LTBP1: variants seen among roughly 807,000 people sequenced by gnomAD.
The protein encoded by LTBP1 is latent transforming growth factor beta binding protein 1, also known as latent-transforming growth factor beta-binding protein 1.
Under a neutral mutation model 207.6 loss-of-function variants are expected in LTBP1, and 129 were observed. That is an observed-to-expected ratio of 0.62 (90% CI 0.54 to 0.72). The LOEUF (loss-of-function observed/expected upper bound fraction) is 0.72. LTBP1 is among the 30% of genes least tolerant of loss of function. The pLI is 0.00. For synonymous variants in LTBP1, 963 were observed against 833.7 expected (o/e 1.16, Z -2.67); for missense variants, 2,281 against 2,217.2 (o/e 1.03, Z -0.58).
intron 3 of LTBP1, among the ~76,000 whole-genome samples, chr2:33,079,865 G>A (rs1639742629): frequency 6.6e-6 from 1 of 151,956 alleles, no homozygotes; most frequent in African/African-American, 2.4e-5. Flanking sequence ...ATGTACATAC[G>A]TTCTTCTTAA....
At chr2:33,295,283 T>TG (rs1209993487) in intron 20 of LTBP1, among the ~76,000 whole-genome samples, 1 of 152,148 alleles carries the variant, frequency 6.6e-6, no homozygotes, top group Non-Finnish European at 1.5e-5. Flanking sequence ...CACAGCACTT[T>TG]GGGAGGCCCA....
chr2:33,388,773 C>G (rs1041024770), intron 31 of LTBP1, among the ~76,000 whole-genome samples: 3 of 151,952 alleles, frequency 2.0e-5, no homozygotes, highest in African/African-American at 7.3e-5. Context: ...CTCTAGAGAG[C>G]GAAAAAGCAC....
chr2:33,059,478 C>G (rs995719653), intron 3 of LTBP1, among the ~76,000 whole-genome samples: 8 of 152,110 alleles, frequency 5.3e-5, no homozygotes, highest in Admixed American at 2.0e-4. Flanking sequence ...TTAGGCTTGC[C>G]ATGTCCGTGG....
rs142344345 is a variant in LTBP1, at chr2:32,969,919, G to T, written c.565+20974G>T. ...TATAAACATTCCCTTTTTTTCTGCA[G>T]CTTCACTGGCATCTGTTATTTTTTG... is the stretch of plus-strand genomic sequence containing the variant. On this transcript the variant is annotated intron_variant, in intron 2 of 33. Coordinates refer to ENST00000404816, the MANE Select transcript of LTBP1 (RefSeq NM_206943.4). 3.2e-3 allele frequency among the ~76,000 whole-genome samples: 480 copies of T among 152,096 alleles called. 5 individuals are homozygous for T. Among genetic ancestry groups the T allele is most frequent in the African/African-American group, 0.011 (465 of 41,518 alleles).
At chr2:33,111,356 T>C (rs1277352270) in intron 4 of LTBP1, among the ~76,000 whole-genome samples, 2 of 152,076 alleles carry the variant, frequency 1.3e-5, no homozygotes, top group African/African-American at 4.8e-5. Flanking sequence ...TATTACAGAG[T>C]GTCTGCCGGC....
At chr2:33,342,364 A>C (rs528010265) in intron 24 of LTBP1, among the ~76,000 whole-genome samples, 1 of 152,180 alleles carries the variant, frequency 6.6e-6, no homozygotes, top group African/African-American at 2.4e-5. Context: ...CTTCCTGAGG[A>C]TGTTGTGTAG....
intron 5 of LTBP1, among the ~76,000 whole-genome samples, chr2:33,175,503 AAC>A (rs2085939770): frequency 6.6e-6 from 1 of 152,218 alleles, no homozygotes; most frequent in Admixed American, 6.5e-5. Flanking sequence ...GTCAGGAAAC[AAC>A]AGATGCTGGA....
chr2:33,202,115 A>G (rs2089372195), intron 7 of LTBP1, among the ~76,000 whole-genome samples: 1 of 151,986 alleles, frequency 6.6e-6, no homozygotes, highest in South Asian at 2.1e-4. Flanking sequence ...AAAAAACTTA[A>G]AAGAATAAGC....
intron 12 of LTBP1, 62 bp from the exon 13 acceptor site, chr2:33,259,526 G>T: frequency 8.5e-7 from 1 of 1,174,504 alleles, no homozygotes. Flanking sequence ...TTTAAGAATT[G>T]AAATATAATA....
chr2:33,029,958 T>G (rs973738542), intron 3 of LTBP1, among the ~76,000 whole-genome samples: 1 of 152,198 alleles, frequency 6.6e-6, no homozygotes, highest in Non-Finnish European at 1.5e-5. Context: ...GTTACCAATA[T>G]AGAGAGCTGT....
At chr2:33,168,998 T>TA (rs2085182718) in intron 5 of LTBP1, among the ~76,000 whole-genome samples, 1 of 152,150 alleles carries the variant, frequency 6.6e-6, no homozygotes, top group Non-Finnish European at 1.5e-5. Context: ...GCAGCAGAGT[T>TA]AGGGGGGAGC....
Position 33,277,797 on chromosome 2 carries a change from C to CTTTCTTTCTTTCTTTCTT in LTBP1, c.2992+1875_2992+1876insTTCTTTCTTTCTTTCTTT, listed in dbSNP as rs369628420. ...TCTTTCTTTCTTTCTTTCTTTCTTT[C>CTTTCTTTCTTTCTTTCTT]TCTCTCTCTTTCTTTTTTTCTTTCT... On this transcript the variant is annotated intron_variant, in intron 18 of 33. Transcript: ENST00000404816. Among the ~76,000 whole-genome samples the CTTTCTTTCTTTCTTTCTT allele has an allele frequency of 1.6e-3, 129 of 80,314 alleles. 1 individual carries two copies. Among genetic ancestry groups the CTTTCTTTCTTTCTTTCTT allele is most frequent in the Middle Eastern group, 0.011 (2 of 178 alleles). 52.7% of individuals were successfully genotyped at this position (80,314 alleles called of 152,430 possible).
chr2:33,312,981 G>A (rs2094209390), intron 23 of LTBP1, among the ~76,000 whole-genome samples: 1 of 152,174 alleles, frequency 6.6e-6, no homozygotes, highest in South Asian at 2.1e-4. Context: ...TGGGCAGCAG[G>A]TTGGAAATAA....
At position 33,188,818 on chromosome 2, in the gene LTBP1, T is replaced by C. The variant is rs375716010; in HGVS notation, c.1668T>C (p.Leu556=). Residue 556 remains leucine, a synonymous_variant, in exon 7 of 34, where the codon CTT becomes CTC. Transcript: ENST00000404816. ...HVYPVAAKTQ[L]GRCFQETIGS... is the part of the protein sequence containing the mutation. The stretch of plus-strand genomic sequence containing the variant: ...ACCCCGTGGCTGCTAAGACACAGCT[T>C]GGCCGGTGCTTCCAGGAAACCATTG... 1.2e-6 allele frequency: 2 copies of C among 1,614,222 alleles called. No homozygotes were observed. Among genetic ancestry groups the C allele is most frequent in the Non-Finnish European group, 1.7e-6 (2 of 1,180,036 alleles).
At chr2:32,975,190 A>G (rs1257538036) in intron 2 of LTBP1, among the ~76,000 whole-genome samples, 1 of 152,196 alleles carries the variant, frequency 6.6e-6, no homozygotes, top group Non-Finnish European at 1.5e-5. Flanking sequence ...CTTTAAGAAT[A>G]CTATATTTTG....
rs572705979 is a variant in LTBP1, at chr2:32,981,782, G to A, written c.565+32837G>A. 7.2e-4 allele frequency among the ~76,000 whole-genome samples: 110 copies of A among 152,228 alleles called. 1 individual carries two copies. Among genetic ancestry groups the A allele is most frequent in the African/African-American group, 2.3e-3 (97 of 41,542 alleles). Reference sequence around the variant, plus strand: ...GTGAAAAAGTCTCACAAGATCTGATGGTTTTAGAAAGGGAAGTTCCTCTGC... The same window carrying A: ...GTGAAAAAGTCTCACAAGATCTGATAGTTTTAGAAAGGGAAGTTCCTCTGC... On this transcript the variant is annotated intron_variant, in intron 2 of 33. Coordinates refer to ENST00000404816, the MANE Select transcript of LTBP1 (RefSeq NM_206943.4).
intron 2 of LTBP1, 62 bp downstream of exon 2, chr2:32,949,007 G>T (rs1676700727): frequency 1.3e-6 from 2 of 1,516,428 alleles, no homozygotes; most frequent in Non-Finnish European, 1.8e-6. Flanking sequence ...GTGTCCACAT[G>T]GGGGCATCTC....
At chr2:32,979,602 G>A (rs964926769) in intron 2 of LTBP1, among the ~76,000 whole-genome samples, 2 of 151,992 alleles carry the variant, frequency 1.3e-5, no homozygotes, top group African/African-American at 4.8e-5. Flanking sequence ...CATAAGATAC[G>A]GTTCATCCTT....
intron 5 of LTBP1, among the ~76,000 whole-genome samples, chr2:33,161,995 C>G (rs1170483276): frequency 6.6e-6 from 1 of 152,216 alleles, no homozygotes; most frequent in Non-Finnish European, 1.5e-5. Context: ...GTGATAGCTT[C>G]ACACGAGCTT....
Sources: allele counts gnomAD v4.1 joint callset (sites outside exome capture counted in the v4.1 genomes callset), GRCh38; gene constraint gnomAD v4.1.1; transcripts MANE v1.5; gene names NCBI Gene and HGNC (gene_info 2026-07-23, HGNC 2026-07-21).